The following COL8A2 variants were observed in gnomAD, a reference collection of about 807,000 sequenced individuals.
The protein encoded by COL8A2 is collagen type VIII alpha 2 chain, also known as collagen alpha-2(VIII) chain.
COL8A2 carries 16 observed loss-of-function variants against 24.0 expected under a neutral mutation model. That is an observed-to-expected ratio of 0.67 (90% CI 0.45 to 1.01). The LOEUF (loss-of-function observed/expected upper bound fraction) is 1.01, where lower values mean the gene tolerates loss of function less well. Among genes scored for constraint, COL8A2 ranks in the 50% least tolerant of loss-of-function variants. COL8A2 has a pLI of 0.00. For missense variants in COL8A2, 818 were observed against 942.4 expected (o/e 0.87, Z 1.73); for synonymous variants, 466 against 424.5 (o/e 1.10, Z -1.20).
At chr1:36,101,722 C>T (rs1296731031) in intron 2 of COL8A2, among the ~76,000 whole-genome samples, 1 of 152,180 alleles carries the variant, frequency 6.6e-6, no homozygotes, top group Non-Finnish European at 1.5e-5. Context: ...TATCGCCATA[C>T]AATGGAATAT....
At position 36,098,685 on chromosome 1, in the gene COL8A2, G is replaced by T; in HGVS notation, c.996C>A (p.Val332=). 1 of 1,609,396 alleles carries T rather than the reference G, an allele frequency of 6.2e-7. No homozygotes were observed. Among genetic ancestry groups the T allele is most frequent in the Non-Finnish European group, 8.5e-7 (1 of 1,178,882 alleles). Residue 332 remains valine (V), a synonymous_variant, in exon 4 of 4, where the codon GTC becomes GTA. Transcript: ENST00000397799. The part of the protein sequence containing the change: ...GPKGDRGPAG[V]PGLLGDRGEP... ...CACCCCTGTCCCCCAAGAGTCCTGG[G>T]ACCCCAGCTGGGCCCCTGTCCCCCT...
chr1:36,112,015 A>AT (rs1233726044), intron 2 of COL8A2, among the ~76,000 whole-genome samples: 2 of 151,738 alleles, frequency 1.3e-5, no homozygotes, highest in Non-Finnish European at 2.9e-5. Flanking sequence ...TTGTTTATTT[A>AT]TTTTTTTAGA....
rs369487110 is a variant in COL8A2, at chr1:36,098,770, C to T, written c.911G>A (p.Arg304Gln). 127 of 1,611,452 alleles carry T rather than the reference C, an allele frequency of 7.9e-5. No homozygotes were observed. The highest frequency in any genetic ancestry group is 3.1e-4 in the South Asian group (28 of 91,022). Residue 304 changes from arginine to glutamine, a missense_variant, in exon 4 of 4, where the codon CGG becomes CAG. This residue lies in a region of COL8A2 where 573 missense variants were observed against 616.8 expected (regional missense o/e 0.93). Coordinates refer to ENST00000397799, the MANE Select transcript of COL8A2 (RefSeq NM_005202.4). ...GGGGCCTATCAGCCCAGGGGGGCCC[C>T]GGGTCCCTGGCTCCCCTTTGGCCCC... Reference protein sequence around the residue: ...PSGAKGEPGTRGPPGLIGPTG... With the variant: ...PSGAKGEPGTQGPPGLIGPTG...
Position 36,098,670 on chromosome 1 carries a change from C to T in COL8A2, c.1011G>A (p.Gly337=). 2 of 1,610,262 alleles carry T rather than the reference C, an allele frequency of 1.2e-6. No individual in the cohort carries two copies. Among genetic ancestry groups the T allele is most frequent in the Non-Finnish European group, 8.5e-7 (1 of 1,179,358 alleles). The change falls in exon 4 of 4, where the codon GGG becomes GGA. Residue 337 remains glycine (G), a synonymous_variant. Transcript: ENST00000397799. ...CATCCTCCCCTGGCTCACCCCTGTC[C>T]CCCAAGAGTCCTGGGACCCCAGCTG... is the stretch of plus-strand genomic sequence containing the variant. The part of the protein sequence containing the change: ...RGPAGVPGLL[G]DRGEPGEDGE...
intron 1 of COL8A2, among the ~76,000 whole-genome samples, chr1:36,120,546 G>C (rs1001817420): frequency 6.6e-6 from 1 of 150,906 alleles, no homozygotes; most frequent in Non-Finnish European, 1.5e-5. Context: ...TCAGGAGTTC[G>C]AGAACAGCCT....
chr1:36,103,941 C>T (rs1643718274), intron 2 of COL8A2, among the ~76,000 whole-genome samples: 1 of 152,008 alleles, frequency 6.6e-6, no homozygotes, highest in African/African-American at 2.4e-5. Flanking sequence ...TGCCTGTAAT[C>T]CCAGCACTTT....
At chr1:36,114,902 T>C (rs1454747077) in intron 2 of COL8A2, among the ~76,000 whole-genome samples, 1 of 152,066 alleles carries the variant, frequency 6.6e-6, no homozygotes, top group Non-Finnish European at 1.5e-5. Flanking sequence ...CTCCTGCAGG[T>C]GACCAAGCCC....
At chr1:36,109,156 G>T (rs1433184659) in intron 2 of COL8A2, among the ~76,000 whole-genome samples, 3 of 152,214 alleles carry the variant, frequency 2.0e-5, no homozygotes, top group Non-Finnish European at 4.4e-5. Context: ...CACTCAGGCA[G>T]CCCCAGGGCC....
intron 2 of COL8A2, among the ~76,000 whole-genome samples, chr1:36,110,302 C>T (rs1319731027): frequency 6.7e-6 from 1 of 149,886 alleles, no homozygotes; most frequent in African/African-American, 2.4e-5. Context: ...CTGAGATGAT[C>T]TAAGCCACCA....
chr1:36,099,168 G>GC lies in COL8A2; in HGVS notation c.512_513insG (p.Ile171MetfsTer31). 1 of 1,499,270 alleles carries GC rather than the reference G, an allele frequency of 6.7e-7. No individual in the cohort carries two copies. Among genetic ancestry groups the GC allele is most frequent in the Non-Finnish European group, 8.9e-7 (1 of 1,123,746 alleles). The allele number at this position is 1,499,270 out of a possible 1,614,324, so 92.9% of individuals were successfully genotyped here. Reference sequence around the variant, plus strand: ...CCCCTTGGGCACCTGGTTTTCCAGGGATAGTAATGCCTGAGGGGCCCGGGA... The same window carrying GC: ...CCCCTTGGGCACCTGGTTTTCCAGGGCATAGTAATGCCTGAGGGGCCCGGGA... On this transcript the variant is annotated frameshift_variant, in exon 4 of 4. Coordinates refer to ENST00000397799, the MANE Select transcript of COL8A2 (RefSeq NM_005202.4). LOFTEE classifies it low-confidence loss of function (END_TRUNC).
chr1:36,123,266 C>A lies in COL8A2; in HGVS notation c.-62+1791G>T, dbSNP rs1643927211. ...CCCTGTAAGAGGTGCCCCATCCCTGCCACTGAGAGTTCTGGAGCGGGCTGG... is the reference window on the plus strand; with the variant it reads ...CCCTGTAAGAGGTGCCCCATCCCTGACACTGAGAGTTCTGGAGCGGGCTGG... On this transcript the variant is annotated intron_variant, in intron 1 of 3. Coordinates refer to ENST00000397799, the MANE Select transcript of COL8A2 (RefSeq NM_005202.4). The surrounding 1 kb of genome is among the most constrained non-coding windows in gnomAD (Gnocchi z 4.1). 6.6e-6 allele frequency among the ~76,000 whole-genome samples: 1 copy of A among 152,218 alleles called. No individual in the cohort carries two copies. The highest frequency in any genetic ancestry group is 2.4e-5 in the African/African-American group (1 of 41,450).
At position 36,096,746 on chromosome 1, in the gene COL8A2, C is replaced by A. The variant is rs1643571543; in HGVS notation, c.*823G>T. Reference sequence around the variant, plus strand: ...CCGCCACCATCTGCACTAGATACTTCTAGACACTTCACAGAGGTTGATCTT... The same window carrying A: ...CCGCCACCATCTGCACTAGATACTTATAGACACTTCACAGAGGTTGATCTT... On this transcript the variant is annotated 3_prime_UTR_variant, in exon 4 of 4. Coordinates refer to ENST00000397799, the MANE Select transcript of COL8A2 (RefSeq NM_005202.4). The A allele has an allele frequency of 1.3e-5, 2 of 152,314 alleles. No homozygotes were observed. Among genetic ancestry groups the A allele is most frequent in the Admixed American group, 1.3e-4 (2 of 15,288 alleles). The allele number at this position is 152,314 out of a possible 1,614,324, so 9.4% of individuals were successfully genotyped here.
chr1:36,114,237 G>T (rs1292092701), intron 2 of COL8A2, among the ~76,000 whole-genome samples: 3 of 148,992 alleles, frequency 2.0e-5, no homozygotes, highest in African/African-American at 7.4e-5. Context: ...GAGAATGGCG[G>T]GAACCTGGGA....
In COL8A2 at chr1:36,115,649, G is replaced by GA. The variant is rs1643875659; in HGVS notation, c.-17+58dup. On this transcript the variant is annotated intron_variant, in intron 2 of 3. Transcript: ENST00000397799. The surrounding 1 kb of genome is among the most constrained non-coding windows in gnomAD (Gnocchi z 5.7). ...GGAGGGAGTGAGGTTAGACAGCAAT[G>GA]AACACAGGCCTCATCTGGCCTGAGA... The GA allele has an allele frequency of 4.3e-6, 4 of 926,914 alleles. No homozygotes were observed. The highest frequency in any genetic ancestry group is 3.9e-6 in the Non-Finnish European group (3 of 776,794). 57.4% of individuals were successfully genotyped at this position (926,914 alleles called of 1,614,324 possible).
At chr1:36,120,630 C>T (rs916342853) in intron 1 of COL8A2, among the ~76,000 whole-genome samples, 2 of 151,986 alleles carry the variant, frequency 1.3e-5, no homozygotes, top group African/African-American at 2.4e-5. Flanking sequence ...TGCCTGTAAT[C>T]CCAGCTACTC....
intron 1 of COL8A2, among the ~76,000 whole-genome samples, chr1:36,121,215 T>C (rs1197615433): frequency 6.9e-6 from 1 of 143,982 alleles, no homozygotes; most frequent in African/African-American, 2.6e-5. Flanking sequence ...ACAGTGAAAC[T>C]CCATCTCTAC....
chr1:36,101,586 TCTC>T (rs1324693910), intron 2 of COL8A2, among the ~76,000 whole-genome samples: 4 of 152,038 alleles, frequency 2.6e-5, no homozygotes, highest in African/African-American at 7.3e-5. Flanking sequence ...GGGCAGGAGG[TCTC>T]CTCATCCATG....
In COL8A2 at chr1:36,097,882, T is replaced by C. The variant is rs1557737147; in HGVS notation, c.1799A>G (p.Asn600Ser). ...GGCTGGGTTGTAGCCGCTGTGGCCA[T>C]TGTAGAGAGTCCGGTCAAATTTCAC... Reference protein sequence around the residue: ...MPVKFDRTLYNGHSGYNPATG... With the variant: ...MPVKFDRTLYSGHSGYNPATG... Residue 600 changes from asparagine to serine, a missense_variant, in exon 4 of 4, where the codon AAT becomes AGT. By Grantham distance (46) the Asn-to-Ser change is conservative. This residue lies in a region of COL8A2 where 235 missense variants were observed against 297.3 expected (regional missense o/e 0.79). Coordinates refer to ENST00000397799, the MANE Select transcript of COL8A2 (RefSeq NM_005202.4). The C allele has an allele frequency of 6.2e-7, 1 of 1,612,574 alleles. No homozygotes were observed. The highest frequency in any genetic ancestry group is 8.5e-7 in the Non-Finnish European group (1 of 1,179,972).
At position 36,105,583 on chromosome 1, in the gene COL8A2, C is replaced by A. The variant is rs183871609; in HGVS notation, c.-16-5325G>T. On this transcript the variant is annotated intron_variant, in intron 2 of 3. Coordinates refer to ENST00000397799, the MANE Select transcript of COL8A2 (RefSeq NM_005202.4). ...CGGGGAATGCTGCTGGGGTACCTTG[C>A]CAGGCACTGGCCTCATGCTTTACAC... 6.1e-4 allele frequency among the ~76,000 whole-genome samples: 93 copies of A among 152,330 alleles called. 1 individual carries two copies. Among genetic ancestry groups the A allele is most frequent in the Admixed American group, 1.8e-3 (28 of 15,304 alleles).
Sources: allele counts gnomAD v4.1 joint callset (sites outside exome capture counted in the v4.1 genomes callset), GRCh38; gene constraint gnomAD v4.1.1; regional missense constraint gnomAD v4.1.1; non-coding constraint Gnocchi (gnomAD v3.1); transcripts MANE v1.5; gene names NCBI Gene and HGNC (gene_info 2026-07-23, HGNC 2026-07-21).